Variants in VWA8 observed in about 807,000 individuals in gnomAD.
VWA8 encodes von Willebrand factor A domain containing 8, also known as von Willebrand factor A domain-containing protein 8.
In VWA8, 221 loss-of-function variants were observed where a neutral mutation model predicts 241.5. The observed-to-expected ratio is 0.91, with a 90% confidence interval of 0.82 to 1.02. The LOEUF (loss-of-function observed/expected upper bound fraction) is 1.02, where lower values mean the gene tolerates loss of function less well. Among genes scored for constraint, VWA8 ranks in the 50% least tolerant of loss-of-function variants. VWA8 has a pLI of 0.00. For synonymous variants in VWA8, 852 were observed against 827.1 expected, an observed-to-expected ratio of 1.03 and a Z score of -0.52; for missense variants, 2,322 against 2,328.7, an observed-to-expected ratio of 1.00 and a Z score of 0.06.
intron 9 of VWA8, among the ~76,000 whole-genome samples, chr13:41,874,025 T>G (rs1365186796): frequency 6.6e-6 from 1 of 152,122 alleles, no homozygotes; most frequent in East Asian, 1.9e-4. Context: ...CAAGGCTGGT[T>G]CAATATATGC....
chr13:41,868,318 T>C lies in VWA8; in HGVS notation c.1212+28A>G, dbSNP rs538492432. On this transcript the variant is annotated intron_variant, in intron 10 of 44. Transcript: ENST00000379310. ...AAAACAGGCAGAATAAGGTATATCA[T>C]AGAAAGAATAAACCTGTGATTAATT... The C allele has an allele frequency of 4.3e-6, 7 of 1,612,564 alleles. No homozygotes were observed. The South Asian group carries it at 4.4e-5, about 10-fold the overall frequency.
chr13:41,815,503 G>A (rs532384742), intron 16 of VWA8, among the ~76,000 whole-genome samples: 2 of 152,306 alleles, frequency 1.3e-5, no homozygotes, highest in African/African-American at 4.8e-5. Context: ...CACAAACACA[G>A]GGGAGAAGGT....
At chr13:41,865,695 T>C (rs368772646) in intron 12 of VWA8, 41 bp downstream of exon 12, 3 of 1,607,490 alleles carry the variant, frequency 1.9e-6, no homozygotes, top group African/African-American at 2.7e-5. Context: ...CCTAAGCATA[T>C]ATGCTTATAG....
intron 2 of VWA8, among the ~76,000 whole-genome samples, chr13:41,924,359 AAGAAAC>A (rs1365651347): frequency 4.0e-5 from 6 of 149,746 alleles, no homozygotes; most frequent in South Asian, 2.2e-4. Flanking sequence ...ACCCAGTCAA[AAGAAAC>A]AGAAACAGAA....
chr13:41,889,298 GT>G (rs1468255830), intron 5 of VWA8, among the ~76,000 whole-genome samples: 3 of 151,948 alleles, frequency 2.0e-5, no homozygotes, highest in Non-Finnish European at 4.4e-5. Context: ...AAAAACTTAT[GT>G]GTTTATACTG....
At chr13:41,848,789 G>C (rs1163165805) in intron 12 of VWA8, among the ~76,000 whole-genome samples, 1 of 152,192 alleles carries the variant, frequency 6.6e-6, no homozygotes, top group Non-Finnish European at 1.5e-5. Context: ...CTATGTGATA[G>C]CATAGTGACT....
rs150198004 is a variant in VWA8, at chr13:41,682,737, C to T, written c.4327+2310G>A. Among the ~76,000 whole-genome samples the T allele has an allele frequency of 2.6e-5, 4 of 152,206 alleles. No homozygotes were observed. In the East Asian group the frequency reaches 7.7e-4, roughly 29 times the overall value. ...CTCCAGCTTGGGCAACAGAGCAAGA[C>T]CTTGTCTCAAAACAAACAAACAAAA... On this transcript the variant is annotated intron_variant, in intron 35 of 44. Transcript: ENST00000379310.
intron 14 of VWA8, among the ~76,000 whole-genome samples, chr13:41,829,823 C>T (rs1413500400): frequency 1.3e-5 from 2 of 152,122 alleles, no homozygotes; most frequent in Non-Finnish European, 2.9e-5. Flanking sequence ...TAAAAGACTA[C>T]ATATCAGGTA....
intron 29 of VWA8, among the ~76,000 whole-genome samples, chr13:41,694,077 AT>A (rs923307253): frequency 1.3e-5 from 2 of 151,904 alleles, no homozygotes; most frequent in African/African-American, 4.8e-5. Flanking sequence ...GTGTTTGTTC[AT>A]TTTTTCCATA....
At chr13:41,844,297 T>C (rs771850648) in intron 12 of VWA8, among the ~76,000 whole-genome samples, 12 of 152,014 alleles carry the variant, frequency 7.9e-5, no homozygotes, top group Non-Finnish European at 1.5e-4. Flanking sequence ...CCATTTAAGA[T>C]AAAAACCCTC....
At chr13:41,845,062 T>A (rs998198562) in intron 12 of VWA8, among the ~76,000 whole-genome samples, 4 of 152,064 alleles carry the variant, frequency 2.6e-5, no homozygotes, top group Non-Finnish European at 5.9e-5. Flanking sequence ...AAAATTCATA[T>A]GGAACCAAAA....
rs115379912 is a variant in VWA8 at position 41,955,221 on chromosome 13, A to G, written c.164-5208T>C. On this transcript the variant is annotated intron_variant, in intron 1 of 44. Transcript: ENST00000379310. The stretch of plus-strand genomic sequence containing the variant: ...TCTAAAGGGGAATAAGAATACTTAT[A>G]AGACAACAGGTAACATAATTTAGGC... 1.7e-3 allele frequency among the ~76,000 whole-genome samples: 257 copies of G among 152,344 alleles called. 2 individuals carry two copies. Among genetic ancestry groups the G allele is most frequent in the African/African-American group, 5.7e-3 (236 of 41,584 alleles).
intron 12 of VWA8, among the ~76,000 whole-genome samples, chr13:41,836,512 C>T (rs1871737010): frequency 6.6e-6 from 1 of 151,998 alleles, no homozygotes; most frequent in African/African-American, 2.4e-5. Context: ...AAACTGGTAA[C>T]ATTTTTTTTT....
intron 12 of VWA8, among the ~76,000 whole-genome samples, chr13:41,840,418 TA>T (rs1871942783): frequency 6.6e-6 from 1 of 152,070 alleles, no homozygotes; most frequent in African/African-American, 2.4e-5. Flanking sequence ...TATACCTATG[TA>T]ACAAACCTGC....
At chr13:41,818,865 G>A (rs1870820244) in intron 15 of VWA8, among the ~76,000 whole-genome samples, 1 of 152,162 alleles carries the variant, frequency 6.6e-6, no homozygotes, top group African/African-American at 2.4e-5. Context: ...TCCACCTGAG[G>A]AAAGAGGAGA....
At chr13:41,870,440 AC>A (rs1362849328) in intron 9 of VWA8, among the ~76,000 whole-genome samples, 1 of 152,074 alleles carries the variant, frequency 6.6e-6, no homozygotes, top group African/African-American at 2.4e-5. Flanking sequence ...GGAGTTCAAG[AC>A]CAGCCTGGCC....
chr13:41,657,742 G>A (rs1400709230), intron 37 of VWA8, among the ~76,000 whole-genome samples: 1 of 152,182 alleles, frequency 6.6e-6, no homozygotes, highest in Non-Finnish European at 1.5e-5. Context: ...ACCCGCCTCG[G>A]CCTCCCAAAG....
chr13:41,582,780 G>A (rs769392472), intron 42 of VWA8, among the ~76,000 whole-genome samples: 14 of 152,186 alleles, frequency 9.2e-5, no homozygotes, highest in South Asian at 2.1e-4. Context: ...CTGAATGTAT[G>A]TGCATCAAAT....
intron 1 of VWA8, among the ~76,000 whole-genome samples, chr13:41,953,104 T>C (rs1024021046): frequency 6.6e-6 from 1 of 152,008 alleles, no homozygotes; most frequent in African/African-American, 2.4e-5. Flanking sequence ...CACAATCACA[T>C]CTAGATATTA....
Sources: allele counts gnomAD v4.1 joint callset (sites outside exome capture counted in the v4.1 genomes callset), GRCh38; gene constraint gnomAD v4.1.1; transcripts MANE v1.5; gene names NCBI Gene and HGNC (gene_info 2026-07-23, HGNC 2026-07-21).